The following DNAAF9 variants were observed in gnomAD, a reference collection of about 807,000 sequenced individuals.
DNAAF9 encodes the protein dynein axonemal assembly factor 9.
Under a neutral mutation model 167.0 loss-of-function variants are expected in DNAAF9, and 90 were observed. The observed-to-expected ratio is 0.54, with a 90% confidence interval of 0.45 to 0.64. The LOEUF (loss-of-function observed/expected upper bound fraction) is 0.64. Ranked by LOEUF, DNAAF9 falls within the 30% of genes least tolerant of loss-of-function variation. DNAAF9 has a pLI of 0.00. For synonymous variants in DNAAF9, 491 were observed against 508.8 expected, an observed-to-expected ratio of 0.96 and a Z score of 0.47; for missense variants, 1,315 against 1,442.2, an observed-to-expected ratio of 0.91 and a Z score of 1.43.
intron 1 of DNAAF9, among the ~76,000 whole-genome samples, chr20:3,394,457 T>G (rs990302783): frequency 6.6e-6 from 1 of 152,218 alleles, no homozygotes; most frequent in Non-Finnish European, 1.5e-5. Context: ...TGTAATTAAA[T>G]CTGTGTATCT....
intron 21 of DNAAF9, among the ~76,000 whole-genome samples, chr20:3,300,291 T>C (rs182203670): frequency 0.019 from 2,930 of 152,288 alleles, 33 homozygotes; most frequent in Middle Eastern, 0.041. Flanking sequence ...ATTGTCTTAA[T>C]AGTAAGTCTT....
intron 11 of DNAAF9, among the ~76,000 whole-genome samples, chr20:3,331,238 T>A (rs920114157): frequency 6.6e-6 from 1 of 152,188 alleles, no homozygotes; most frequent in African/African-American, 2.4e-5. Context: ...GTGTGGAATC[T>A]TAGGTTCTGG....
At position 3,378,394 on chromosome 20, in the gene DNAAF9, G is replaced by T. The variant is rs1030335881; in HGVS notation, c.284-2092C>A. On this transcript the variant is annotated intron_variant, in intron 3 of 36. Transcript: ENST00000252032. ...TGGGAGGAAGGAAGTAGAGGCCAGT[G>T]GAAAGAGCTTCTATAAATAGATCAG... Among the ~76,000 whole-genome samples, 5 of 152,312 alleles carry T rather than the reference G, an allele frequency of 3.3e-5. No individual in the cohort carries two copies. In the East Asian group the frequency reaches 9.7e-4, roughly 29 times the overall value.
At chr20:3,306,091 C>T (rs927895977) in intron 20 of DNAAF9, among the ~76,000 whole-genome samples, 2 of 152,158 alleles carry the variant, frequency 1.3e-5, no homozygotes, top group East Asian at 3.8e-4. Flanking sequence ...CCTGACCATG[C>T]CATATTTCAA....
chr20:3,350,027 C>T (rs868064601), intron 7 of DNAAF9, among the ~76,000 whole-genome samples: 2 of 152,056 alleles, frequency 1.3e-5, no homozygotes, highest in Non-Finnish European at 2.9e-5. Flanking sequence ...CTGTGCTAGC[C>T]AAGTACTGAC....
chr20:3,332,420 G>A (rs576271243), intron 10 of DNAAF9, 59 bp from the exon 11 acceptor site: 98 of 841,016 alleles, frequency 1.2e-4, no homozygotes, highest in Non-Finnish European at 1.8e-4. Flanking sequence ...TGTACTAGTA[G>A]ATAAACAAAA....
chr20:3,353,267 C>T (rs1415638802), intron 7 of DNAAF9, among the ~76,000 whole-genome samples: 1 of 152,054 alleles, frequency 6.6e-6, no homozygotes, highest in Non-Finnish European at 1.5e-5. Context: ...AGCCACCCAT[C>T]TCAGAGTGCA....
chr20:3,358,007 TA>T (rs1365647201), intron 7 of DNAAF9, among the ~76,000 whole-genome samples: 2 of 151,920 alleles, frequency 1.3e-5, no homozygotes, highest in Non-Finnish European at 2.9e-5. Context: ...ACCCTGTCTC[TA>T]AAAATATATA....
Position 3,366,922 on chromosome 20 carries a change from C to T in DNAAF9, c.612+7126G>A, listed in dbSNP as rs183930362. Among the ~76,000 whole-genome samples, 1,173 of 149,632 alleles carry T rather than the reference C, an allele frequency of 7.8e-3. 14 individuals carry two copies. Among genetic ancestry groups the T allele is most frequent in the Non-Finnish European group, 0.013 (848 of 67,644 alleles). On this transcript the variant is annotated intron_variant, in intron 6 of 36. Transcript: ENST00000252032. The stretch of plus-strand genomic sequence containing the variant: ...CCTGGGCAACACGGTGAGACTCTGC[C>T]TCAAAAATTAAAAAAAAAAAAAATT...
chr20:3,310,902 T>C (rs1157671483), intron 20 of DNAAF9, among the ~76,000 whole-genome samples: 4 of 152,154 alleles, frequency 2.6e-5, no homozygotes, highest in African/African-American at 9.7e-5. Context: ...ACAGCAAGTG[T>C]TGGCCAGAAT....
intron 33 of DNAAF9, among the ~76,000 whole-genome samples, chr20:3,258,341 G>T (rs1159661940): frequency 1.3e-5 from 2 of 152,166 alleles, no homozygotes; most frequent in Non-Finnish European, 2.9e-5. Context: ...TATGAGCTAA[G>T]GACCCATGTA....
At chr20:3,388,008 G>T (rs2083774247) in intron 1 of DNAAF9, among the ~76,000 whole-genome samples, 1 of 149,656 alleles carries the variant, frequency 6.7e-6, no homozygotes, top group South Asian at 2.1e-4. Context: ...TGAGGCTGCA[G>T]TGTGAGATGT....
intron 20 of DNAAF9, 78 bp downstream of exon 20, chr20:3,314,955 T>G: frequency 1.3e-6 from 1 of 773,388 alleles, no homozygotes. Context: ...GATGTATTAT[T>G]AATTACAACA....
chr20:3,274,211 C>T (rs1007869802), intron 29 of DNAAF9, among the ~76,000 whole-genome samples: 1 of 150,822 alleles, frequency 6.6e-6, no homozygotes. Context: ...GGTGTGATCT[C>T]GGCTGGTTGC....
chr20:3,284,431 C>T (rs922179039), intron 27 of DNAAF9, among the ~76,000 whole-genome samples: 3 of 152,146 alleles, frequency 2.0e-5, no homozygotes, highest in African/African-American at 7.2e-5. Flanking sequence ...ATTCACCCAC[C>T]TTGGCCTCCC....
chr20:3,353,062 AAC>A (rs777929570), intron 7 of DNAAF9, among the ~76,000 whole-genome samples: 5 of 149,242 alleles, frequency 3.4e-5, no homozygotes, highest in African/African-American at 4.9e-5. Flanking sequence ...ATGTATATAT[AAC>A]ACATTATATA....
chr20:3,306,287 G>C (rs376747659), intron 20 of DNAAF9, among the ~76,000 whole-genome samples: 83 of 152,068 alleles, frequency 5.5e-4, no homozygotes, highest in African/African-American at 1.8e-3. Flanking sequence ...TGATGTCACT[G>C]AGCCTTCACA....
At chr20:3,318,871 G>A (rs1297386642) in intron 16 of DNAAF9, among the ~76,000 whole-genome samples, 1 of 151,972 alleles carries the variant, frequency 6.6e-6, no homozygotes, top group Non-Finnish European at 1.5e-5. Context: ...TTGAGCCCAG[G>A]AGTTTGAGAC....
At chr20:3,366,047 T>A (rs1385302284) in intron 6 of DNAAF9, among the ~76,000 whole-genome samples, 1 of 152,172 alleles carries the variant, frequency 6.6e-6, no homozygotes, top group Non-Finnish European at 1.5e-5. Context: ...AGAGCTGGAA[T>A]CCACTTCTCG....
Sources: gnomAD v4.1 joint callset for allele counts (sites outside exome capture counted in the v4.1 genomes callset) on GRCh38, gnomAD v4.1.1 for gene constraint, MANE v1.5 for transcripts, NCBI Gene and HGNC (gene_info 2026-07-23, HGNC 2026-07-21) for gene names.